KPNA3: variants seen among roughly 807,000 people sequenced by gnomAD.
KPNA3 encodes the protein importin subunit alpha-4.
KPNA3 carries 13 observed loss-of-function variants against 73.8 expected under a neutral mutation model. That is an observed-to-expected ratio of 0.18 (90% CI 0.11 to 0.28). The LOEUF is 0.28. KPNA3 is among the 10% of genes least tolerant of loss of function. The pLI, the probability that KPNA3 is intolerant of heterozygous loss-of-function variation, is 1.00. For synonymous variants in KPNA3, 186 were observed against 206.9 expected (o/e 0.90, Z 0.87); for missense variants, 360 against 618.1 (o/e 0.58, Z 4.43).
At chr13:49,749,586 A>T (rs1954645357) in intron 1 of KPNA3, among the ~76,000 whole-genome samples, 1 of 152,200 alleles carries the variant, frequency 6.6e-6, no homozygotes, top group African/African-American at 2.4e-5. Flanking sequence ...GTATCTGCTT[A>T]GGGTTGAAGT....
intron 10 of KPNA3, among the ~76,000 whole-genome samples, chr13:49,715,168 T>C (rs943095208): frequency 4.0e-5 from 6 of 151,824 alleles, no homozygotes; most frequent in South Asian, 2.1e-4. Flanking sequence ...GTAGATACAA[T>C]TAAAAAAAAT....
chr13:49,752,642 C>T (rs981899672), intron 1 of KPNA3, among the ~76,000 whole-genome samples: 2 of 151,762 alleles, frequency 1.3e-5, no homozygotes, highest in African/African-American at 4.8e-5. Flanking sequence ...GGAACCTAGC[C>T]AAGAGCAATC....
intron 2 of KPNA3, among the ~76,000 whole-genome samples, chr13:49,737,477 G>C (rs895589608): frequency 1.3e-5 from 2 of 151,962 alleles, no homozygotes; most frequent in African/African-American, 2.4e-5. Flanking sequence ...TTTAATATCT[G>C]TATGTCCTCC....
At chr13:49,751,777 G>A (rs919218261) in intron 1 of KPNA3, among the ~76,000 whole-genome samples, 2 of 152,090 alleles carry the variant, frequency 1.3e-5, no homozygotes, top group African/African-American at 2.4e-5. Context: ...GTGTGGTGGC[G>A]TGCACCTGTG....
At chr13:49,779,717 A>G (rs1330416347) in intron 1 of KPNA3, among the ~76,000 whole-genome samples, 2 of 152,082 alleles carry the variant, frequency 1.3e-5, no homozygotes, top group African/African-American at 4.8e-5. Context: ...CCTTCCCATG[A>G]CTACCAAATA....
In KPNA3 at chr13:49,699,490, G is replaced by C. The variant is rs994539919; in HGVS notation, c.*2310C>G. The C allele has an allele frequency of 7.2e-5, 11 of 152,504 alleles. No individual in the cohort carries two copies. The highest frequency in any genetic ancestry group is 2.7e-4 in the African/African-American group (11 of 41,420). 9.4% of individuals were successfully genotyped at this position (152,504 alleles called of 1,614,324 possible). A position where few individuals can be genotyped will look rare whatever the true frequency, so the allele number is the denominator to read the frequency against. Reference sequence around the variant, plus strand: ...TAAACACTGTTTTGAAAACTTAAAAGTGCAGCAATATACTTAGTTTCCTTT... The same window carrying C: ...TAAACACTGTTTTGAAAACTTAAAACTGCAGCAATATACTTAGTTTCCTTT... On this transcript the variant is annotated 3_prime_UTR_variant, in exon 17 of 17. Transcript: ENST00000261667.
intron 6 of KPNA3, among the ~76,000 whole-genome samples, chr13:49,731,309 G>A (rs1041363972): frequency 2.4e-5 from 3 of 124,056 alleles, no homozygotes; most frequent in East Asian, 2.5e-4. Flanking sequence ...GGCTGCTCTC[G>A]AACTCCTGGA....
At chr13:49,754,970 T>C (rs1954698128) in intron 1 of KPNA3, among the ~76,000 whole-genome samples, 1 of 152,114 alleles carries the variant, frequency 6.6e-6, no homozygotes, top group Non-Finnish European at 1.5e-5. Context: ...CAATTTTATA[T>C]AATCTCTACA....
chr13:49,785,977 CTGT>C (rs1954979110), intron 1 of KPNA3, among the ~76,000 whole-genome samples: 1 of 152,198 alleles, frequency 6.6e-6, no homozygotes. Context: ...TTATGTTCAA[CTGT>C]TGTTATTTAA....
At position 49,717,318 on chromosome 13, in the gene KPNA3, T is replaced by A. The variant is rs9568311; in HGVS notation, c.771+2457A>T. Among the ~76,000 whole-genome samples, 15 of 151,694 alleles carry A rather than the reference T, an allele frequency of 9.9e-5. No individual in the cohort carries two copies. The East Asian group carries it at 2.9e-3, about 30-fold the overall frequency. ...TGGTGGCATGCACTGTAATCCCAGC[T>A]ACTGGAGAGGCTGAGGCAGGAGAAT... On this transcript the variant is annotated intron_variant, in intron 10 of 16. Transcript: ENST00000261667.
intron 1 of KPNA3, among the ~76,000 whole-genome samples, chr13:49,749,254 G>C (rs1156278801): frequency 6.6e-6 from 1 of 152,210 alleles, no homozygotes; most frequent in African/African-American, 2.4e-5. Flanking sequence ...TTAATTTAAT[G>C]TTTTAAACAC....
At chr13:49,756,417 T>C (rs1311200779) in intron 1 of KPNA3, among the ~76,000 whole-genome samples, 2 of 152,024 alleles carry the variant, frequency 1.3e-5, no homozygotes, top group African/African-American at 4.8e-5. Context: ...ATTAGCCAGG[T>C]ATGGAGGCAA....
chr13:49,752,035 G>A (rs1007989967), intron 1 of KPNA3, among the ~76,000 whole-genome samples: 3 of 152,160 alleles, frequency 2.0e-5, no homozygotes, highest in Non-Finnish European at 4.4e-5. Context: ...GAAAATGGAA[G>A]GGCAGAAGTT....
intron 10 of KPNA3, among the ~76,000 whole-genome samples, chr13:49,719,439 T>C (rs1256356783): frequency 1.3e-5 from 2 of 152,150 alleles, no homozygotes; most frequent in Admixed American, 6.5e-5. Context: ...ATCTAGCCTA[T>C]CTGTTGTAAG....
chr13:49,753,416 G>T (rs892027173), intron 1 of KPNA3, among the ~76,000 whole-genome samples: 2 of 152,192 alleles, frequency 1.3e-5, no homozygotes, highest in Non-Finnish European at 2.9e-5. Context: ...CAAAACAACT[G>T]TTATAAACAC....
chr13:49,726,285 T>C (rs904426173), intron 6 of KPNA3, among the ~76,000 whole-genome samples: 8 of 152,140 alleles, frequency 5.3e-5, no homozygotes, highest in Non-Finnish European at 7.4e-5. Context: ...ATAATTTTGT[T>C]GAAAAAACAA....
chr13:49,759,661 G>A (rs1358949868), intron 1 of KPNA3, among the ~76,000 whole-genome samples: 1 of 152,152 alleles, frequency 6.6e-6, no homozygotes, highest in Non-Finnish European at 1.5e-5. Flanking sequence ...GTTCACAGCA[G>A]GGTTTGTGCT....
chr13:49,731,308 C>T (rs542286470), intron 6 of KPNA3, among the ~76,000 whole-genome samples: 2 of 135,062 alleles, frequency 1.5e-5, no homozygotes, highest in South Asian at 2.4e-4. Context: ...AGGCTGCTCT[C>T]GAACTCCTGG....
intron 1 of KPNA3, among the ~76,000 whole-genome samples, chr13:49,784,354 C>G (rs1483915479): frequency 2.0e-5 from 3 of 152,118 alleles, no homozygotes; most frequent in African/African-American, 7.2e-5. Flanking sequence ...GTAATTAGGA[C>G]AGTCTATTAG....
Sources: gnomAD v4.1 joint callset for allele counts (sites outside exome capture counted in the v4.1 genomes callset) on GRCh38, gnomAD v4.1.1 for gene constraint, MANE v1.5 for transcripts, NCBI Gene and HGNC (gene_info 2026-07-23, HGNC 2026-07-21) for gene names.